DOT1L: variants seen among roughly 807,000 people sequenced by gnomAD.
The protein encoded by DOT1L is DOT1 like histone lysine methyltransferase, also known as histone-lysine N-methyltransferase, H3 lysine-79 specific.
Under a neutral mutation model 153.3 loss-of-function variants are expected in DOT1L, and 33 were observed. That is an observed-to-expected ratio of 0.22 (90% CI 0.16 to 0.29). The LOEUF is 0.29. DOT1L is among the 10% of genes least tolerant of loss of function. DOT1L has a pLI of 1.00. For missense variants in DOT1L, 1,847 were observed against 2,119.9 expected (o/e 0.87, Z 2.53); for synonymous variants, 1,135 against 965.1 (o/e 1.18, Z -3.26).
chr19:2,168,760 AC>A (rs1422337892), intron 1 of DOT1L, among the ~76,000 whole-genome samples: 1 of 151,612 alleles, frequency 6.6e-6, no homozygotes, highest in Non-Finnish European at 1.5e-5. Flanking sequence ...GACTACAGGC[AC>A]CCGCCACCAC....
At chr19:2,171,927 G>A (rs979591710) in intron 1 of DOT1L, among the ~76,000 whole-genome samples, 10 of 152,198 alleles carry the variant, frequency 6.6e-5, no homozygotes, top group African/African-American at 2.4e-4. Flanking sequence ...TTTTGCATTG[G>A]AATCACAGAA....
rs1286434004 is a variant in DOT1L, at chr19:2,197,214, C to T, written c.651+2637C>T. Reference sequence around the variant, plus strand: ...GGACTTGCGCATCCAGGGCTGTGGGCCCGGCTCTCCTTCCCTTTCTCATGG... The same window carrying T: ...GGACTTGCGCATCCAGGGCTGTGGGTCCGGCTCTCCTTCCCTTTCTCATGG... On this transcript the variant is annotated intron_variant, in intron 7 of 27. Coordinates refer to ENST00000398665, the MANE Select transcript of DOT1L (RefSeq NM_032482.3). This position sits in a 1 kb window ranked among gnomAD's most constrained non-coding sequence, Gnocchi z 4.1. Among the ~76,000 whole-genome samples the T allele has an allele frequency of 6.6e-6, 1 of 152,202 alleles. No homozygotes were observed. The highest frequency in any genetic ancestry group is 2.4e-5 in the African/African-American group (1 of 41,442).
At chr19:2,215,077 G>A (rs1365559088) in intron 19 of DOT1L, among the ~76,000 whole-genome samples, 4 of 152,094 alleles carry the variant, frequency 2.6e-5, no homozygotes, top group Admixed American at 2.6e-4. Context: ...TTAGCCGGGT[G>A]TGGTGGTGTG....
rs781442735 is a variant in DOT1L, at chr19:2,226,750, C to T, written c.4229C>T (p.Ala1410Val). 2.6e-6 allele frequency: 4 copies of T among 1,556,916 alleles called. No individual in the cohort carries two copies. Among genetic ancestry groups the T allele is most frequent in the Admixed American group, 3.9e-5 (2 of 51,922 alleles). Reference sequence around the variant, plus strand: ...AAGACCCCACTGCTGAGCGGCAAGGCCGCCAAGGCCCGGGACCGCGAGGTC... The same window carrying T: ...AAGACCCCACTGCTGAGCGGCAAGGTCGCCAAGGCCCGGGACCGCGAGGTC... ...TDKTPLLSGKAAKARDREVDL... is the reference protein window; with the variant it reads ...TDKTPLLSGKVAKARDREVDL... The change falls in exon 27 of 28, where the codon GCC becomes GTC. Residue 1410 changes from alanine to valine, a missense_variant. Physicochemically the swap from Ala to Val is moderately conservative, Grantham distance 64 (BLOSUM62 0). This residue lies in a region of DOT1L where 934 missense variants were observed against 825.3 expected (regional missense o/e 1.13). Transcript: ENST00000398665.
Position 2,201,364 on chromosome 19 carries a change from C to T in DOT1L, c.708-1336C>T, listed in dbSNP as rs570757036. 1.0e-4 allele frequency among the ~76,000 whole-genome samples: 15 copies of T among 146,152 alleles called. No individual in the cohort carries two copies. The East Asian group carries it at 2.6e-3, about 25-fold the overall frequency. ...GCCCGTCGTCCTCCCCGCTCCCCTC[C>T]TTCTCCCTGCATTCCTCATCCTCCC... On this transcript the variant is annotated intron_variant, in intron 8 of 27. Transcript: ENST00000398665.
At chr19:2,165,315 A>G (rs559831099) in intron 1 of DOT1L, among the ~76,000 whole-genome samples, 1 of 152,134 alleles carries the variant, frequency 6.6e-6, no homozygotes, top group Non-Finnish European at 1.5e-5. Flanking sequence ...GTTTTTGGAA[A>G]CGTGCTCGCT....
In DOT1L at chr19:2,226,206, C is replaced by T. The variant is rs2144929027; in HGVS notation, c.3685C>T (p.Pro1229Ser). Residue 1229 changes from proline to serine, a missense_variant, in exon 27 of 28, where the codon CCC becomes TCC. Pro to Ser is a moderately conservative substitution (Grantham distance 74). This residue lies in a region of DOT1L where 934 missense variants were observed against 825.3 expected (regional missense o/e 1.13). Coordinates refer to ENST00000398665, the MANE Select transcript of DOT1L (RefSeq NM_032482.3). ...ENGGGLAGRK[P>S]APAGEPVNSS... is the part of the protein sequence containing the mutation. Reference sequence around the variant, plus strand: ...AGGTGGTGGCTTGGCGGGAAGGAAGCCCGCGCCCGCCGGCGAGCCAGTCAA... The same window carrying T: ...AGGTGGTGGCTTGGCGGGAAGGAAGTCCGCGCCCGCCGGCGAGCCAGTCAA... The T allele has an allele frequency of 6.6e-7, 1 of 1,522,490 alleles. No homozygotes were observed. 94.3% of individuals were successfully genotyped at this position (1,522,490 alleles called of 1,614,324 possible).
At position 2,220,620 on chromosome 19, in the gene DOT1L, C is replaced by T. The variant is rs1372539673; in HGVS notation, c.2806+398C>T. The T allele has an allele frequency of 1.6e-5, 7 of 435,158 alleles. No homozygotes were observed. The highest frequency in any genetic ancestry group is 1.4e-4 in the African/African-American group (7 of 49,162). The allele number at this position is 435,158 out of a possible 1,614,324, so 27.0% of individuals were successfully genotyped here. ...CTCCGTGCTGGTAGCGGCATGGTTT[C>T]TGGTTCCTTGAGAAGGTGCCGCCTG... On this transcript the variant is annotated intron_variant, in intron 23 of 27. Transcript: ENST00000398665. The surrounding 1 kb of genome is among the most constrained non-coding windows in gnomAD (Gnocchi z 4.5).
intron 1 of DOT1L, among the ~76,000 whole-genome samples, chr19:2,169,313 C>A (rs2020041132): frequency 6.6e-6 from 1 of 152,128 alleles, no homozygotes; most frequent in South Asian, 2.1e-4. Flanking sequence ...CTTTAGGCAG[C>A]TTTGTGTGAG....
chr19:2,186,128 C>T (rs565675494), intron 3 of DOT1L, among the ~76,000 whole-genome samples, 199 bp downstream of exon 3: 5 of 152,212 alleles, frequency 3.3e-5, no homozygotes, highest in African/African-American at 7.2e-5. Context: ...TGTCAGAGGC[C>T]GGACAGAATT....
Position 2,210,507 on chromosome 19 carries a change from C to G in DOT1L, c.1113C>G (p.Pro371=). 1 of 1,595,380 alleles carries G rather than the reference C, an allele frequency of 6.3e-7. No homozygotes were observed. The highest frequency in any genetic ancestry group is 8.5e-7 in the Non-Finnish European group (1 of 1,171,304). ...AGGTGGCCGGCCCCGCCGACGCCCC[C>G]ATGGTAAGGCCCCAGCCTGGCTCCT... is the stretch of plus-strand genomic sequence containing the variant. ...EGKVAGPADA[P]MDSGAEEEKA... is the part of the protein sequence containing the mutation. The change falls in exon 13 of 28, where the codon CCC becomes CCG. Residue 371 remains proline, a synonymous_variant. Transcript: ENST00000398665.
chr19:2,196,467 G>C (rs1240907461), intron 7 of DOT1L, among the ~76,000 whole-genome samples: 1 of 152,322 alleles, frequency 6.6e-6, no homozygotes, highest in East Asian at 1.9e-4. Context: ...TGAGTAGCTG[G>C]AATTAAAGGC....
At chr19:2,168,161 T>C (rs138195816) in intron 1 of DOT1L, among the ~76,000 whole-genome samples, 120 of 152,096 alleles carry the variant, frequency 7.9e-4, no homozygotes, top group African/African-American at 2.8e-3. Context: ...ATTCTTAGTC[T>C]CAAGAAACCT....
At chr19:2,199,820 G>A in intron 7 of DOT1L, 64 bp from the exon 8 acceptor site, 1 of 1,581,402 alleles carries the variant, frequency 6.3e-7, no homozygotes, top group Non-Finnish European at 8.6e-7. Context: ...CTTCACAGGG[G>A]CTGGGCGGGC....
chr19:2,215,560 C>G (rs377737421), intron 19 of DOT1L: 2 of 152,384 alleles, frequency 1.3e-5, no homozygotes, highest in Non-Finnish European at 2.9e-5. Flanking sequence ...CCTCTGCTGC[C>G]TTTTCAAATG....
Position 2,211,120 on chromosome 19 carries a change from G to T in DOT1L, c.1373G>T (p.Ser458Ile). ...CCAGATGCCTACAGATCCCCTCACA[G>T]CCCGTTCTACCAGCTACCTCCGAGC... ...SPQDAYRSPH[S>I]PFYQLPPSVQ... Residue 458 changes from serine (S) to isoleucine (I), a missense_variant, in exon 15 of 28, where the codon AGC becomes ATC. By Grantham distance (142) the Ser-to-Ile change is moderately radical. This residue lies in a region of DOT1L where 205 missense variants were observed against 203.1 expected (regional missense o/e 1.01). Coordinates refer to ENST00000398665, the MANE Select transcript of DOT1L (RefSeq NM_032482.3). 6.2e-7 allele frequency: 1 copy of T among 1,613,074 alleles called. No homozygotes were observed. The highest frequency in any genetic ancestry group is 8.5e-7 in the Non-Finnish European group (1 of 1,179,766).
At chr19:2,213,492 C>T (rs1406681806) in intron 16 of DOT1L, 47 bp from the exon 17 acceptor site, 1 of 1,592,182 alleles carries the variant, frequency 6.3e-7, no homozygotes. Flanking sequence ...TGTGGGCCCT[C>T]AGTCACCTGC....
chr19:2,219,543 G>A (rs1468933989), intron 22 of DOT1L, among the ~76,000 whole-genome samples: 2 of 152,130 alleles, frequency 1.3e-5, no homozygotes, highest in Non-Finnish European at 2.9e-5. Flanking sequence ...TCCCTGTTTT[G>A]GCGATTGTGA....
intron 9 of DOT1L, 74 bp downstream of exon 9, chr19:2,202,853 G>T: frequency 1.3e-6 from 2 of 1,500,930 alleles, no homozygotes; most frequent in Non-Finnish European, 1.9e-6. Context: ...TCCCCGCAGG[G>T]TGTCCTGCAG....
Sources: allele counts gnomAD v4.1 joint callset (sites outside exome capture counted in the v4.1 genomes callset), GRCh38; gene constraint gnomAD v4.1.1; regional missense constraint gnomAD v4.1.1; non-coding constraint Gnocchi (gnomAD v3.1); transcripts MANE v1.5; gene names NCBI Gene and HGNC (gene_info 2026-07-23, HGNC 2026-07-21).